The following GPR141 variants were observed in gnomAD, a reference collection of about 807,000 sequenced individuals.
GPR141 encodes the protein G protein-coupled receptor 141.
Under a neutral mutation model 6.8 loss-of-function variants are expected in GPR141, and 6 were observed. That is an observed-to-expected ratio of 0.88 (90% CI 0.48 to 1.74). GPR141 has a LOEUF of 1.74. GPR141 is among the 40% of genes most tolerant of loss of function. The pLI, the probability that GPR141 is intolerant of heterozygous loss-of-function variation, is 0.01. For missense variants in GPR141, 372 were observed against 372.9 expected (o/e 1.00, Z 0.02); for synonymous variants, 140 against 142.3 (o/e 0.98, Z 0.11).
At chr7:37,703,387 T>C (rs1364556119) in intron 2 of GPR141, among the ~76,000 whole-genome samples, 1 of 152,214 alleles carries the variant, frequency 6.6e-6, no homozygotes, top group Admixed American at 6.5e-5. Flanking sequence ...CTTTTGGCCT[T>C]ACTGAATCTG....
In GPR141 at chr7:37,741,890, A is replaced by T. The variant is rs900062218; in HGVS notation, c.*579A>T. Reference sequence around the variant, plus strand: ...TCATCTGTCTAGAAATCAAGAGAAAAAGAACGTGTGGCCTCCTGTTATAAC... The same window carrying T: ...TCATCTGTCTAGAAATCAAGAGAAATAGAACGTGTGGCCTCCTGTTATAAC... On this transcript the variant is annotated 3_prime_UTR_variant, in exon 3 of 3. Transcript: ENST00000334425. Among the ~76,000 whole-genome samples, 3 of 152,140 alleles carry T rather than the reference A, an allele frequency of 2.0e-5. No individual in the cohort carries two copies. Among genetic ancestry groups the T allele is most frequent in the African/African-American group, 7.2e-5 (3 of 41,420 alleles).
At chr7:37,699,562 A>T (rs577226875) in intron 2 of GPR141, among the ~76,000 whole-genome samples, 83 of 152,344 alleles carry the variant, frequency 5.4e-4, no homozygotes, top group Non-Finnish European at 1.1e-3. Flanking sequence ...CTCCGACTCA[A>T]AAAACAAAAC....
intron 2 of GPR141, among the ~76,000 whole-genome samples, chr7:37,733,701 GA>G (rs981250756): frequency 2.8e-5 from 4 of 144,522 alleles, no homozygotes; most frequent in South Asian, 2.2e-4. Flanking sequence ...AAAAAGAAAA[GA>G]AAAAAAAAGT....
intron 2 of GPR141, among the ~76,000 whole-genome samples, chr7:37,696,496 T>C (rs1005886733): frequency 6.6e-6 from 1 of 152,076 alleles, no homozygotes; most frequent in Non-Finnish European, 1.5e-5. Context: ...ATTCCCTTCT[T>C]TGGAATGTTA....
At position 37,741,896 on chromosome 7, in the gene GPR141, G is replaced by A. The variant is rs1812582859; in HGVS notation, c.*585G>A. Among the ~76,000 whole-genome samples, 2 of 152,260 alleles carry A rather than the reference G, an allele frequency of 1.3e-5. No individual in the cohort carries two copies. Among genetic ancestry groups the A allele is most frequent in the South Asian group, 4.1e-4 (2 of 4,828 alleles). On this transcript the variant is annotated 3_prime_UTR_variant, in exon 3 of 3. Transcript: ENST00000334425. ...GTCTAGAAATCAAGAGAAAAAGAACGTGTGGCCTCCTGTTATAACAAGGGT... is the reference window on the plus strand; with the variant it reads ...GTCTAGAAATCAAGAGAAAAAGAACATGTGGCCTCCTGTTATAACAAGGGT...
At chr7:37,693,207 A>C (rs2131735514) in intron 2 of GPR141, among the ~76,000 whole-genome samples, 1 of 152,300 alleles carries the variant, frequency 6.6e-6, no homozygotes, top group East Asian at 1.9e-4. Flanking sequence ...GTCCAGTTTC[A>C]GTTTTCTGCA....
chr7:37,727,654 G>A (rs146692167), intron 2 of GPR141, among the ~76,000 whole-genome samples: 1 of 152,256 alleles, frequency 6.6e-6, no homozygotes, highest in East Asian at 1.9e-4. Context: ...GAAGTTACCT[G>A]AAGCATGTAC....
Position 37,731,712 on chromosome 7 carries a change from G to A in GPR141, c.-14-8668G>A, listed in dbSNP as rs1483942753. Among the ~76,000 whole-genome samples, 5 of 152,120 alleles carry A rather than the reference G, an allele frequency of 3.3e-5. No homozygotes were observed. The South Asian group carries it at 8.3e-4, about 25-fold the overall frequency. On this transcript the variant is annotated intron_variant, in intron 2 of 2. Transcript: ENST00000334425. ...CGTGATCCGCCCGCCTCGGCCTCCC[G>A]AAGTGCGGGGATTACAGGCGCAAAG...
chr7:37,741,251 G>A lies in GPR141; in HGVS notation c.858G>A (p.Gly286=), dbSNP rs917482141. 1 of 1,610,866 alleles carries A rather than the reference G, an allele frequency of 6.2e-7. No individual in the cohort carries two copies. The highest frequency in any genetic ancestry group is 8.5e-7 in the Non-Finnish European group (1 of 1,177,620). Reference sequence around the variant, plus strand: ...ATGATTTGCTTCTCTTTGTCTTTGGGGGAAGCCATTGGTTTAAGCAAAAGA... The same window carrying A: ...ATGATTTGCTTCTCTTTGTCTTTGGAGGAAGCCATTGGTTTAAGCAAAAGA... The part of the protein sequence containing the change: ...SCYDLLLFVF[G]GSHWFKQKII... The change falls in exon 3 of 3, where the codon GGG becomes GGA. Residue 286 remains glycine (G), a synonymous_variant. Coordinates refer to ENST00000334425, the MANE Select transcript of GPR141 (RefSeq NM_001381946.1).
chr7:37,709,532 A>G (rs1019621905), intron 2 of GPR141, among the ~76,000 whole-genome samples: 19 of 152,236 alleles, frequency 1.2e-4, no homozygotes, highest in Admixed American at 4.6e-4. Context: ...ATCTTGCCAC[A>G]TATGGCCAAA....
intron 2 of GPR141, among the ~76,000 whole-genome samples, chr7:37,735,866 C>T (rs561331936): frequency 8.6e-4 from 130 of 152,000 alleles, no homozygotes; most frequent in East Asian, 1.9e-3. Context: ...TGTGTAAGAC[C>T]GACACAGCCT....
chr7:37,714,313 A>AAGGTGTG (rs1424962969), intron 2 of GPR141, among the ~76,000 whole-genome samples: 1 of 152,178 alleles, frequency 6.6e-6, no homozygotes, highest in African/African-American at 2.4e-5. Flanking sequence ...ATGGTAATCG[A>AAGGTGTG]AGGTGTGAGA....
At chr7:37,731,886 C>A (rs551143332) in intron 2 of GPR141, among the ~76,000 whole-genome samples, 1 of 152,050 alleles carries the variant, frequency 6.6e-6, no homozygotes, top group East Asian at 1.9e-4. Flanking sequence ...CTAGTTCTTG[C>A]TTTGCTTTTA....
chr7:37,695,643 A>G (rs1331649174), intron 2 of GPR141, among the ~76,000 whole-genome samples: 1 of 151,972 alleles, frequency 6.6e-6, no homozygotes, highest in Non-Finnish European at 1.5e-5. Flanking sequence ...GGTTTCTATT[A>G]CTTCTTTTAG....
At chr7:37,734,004 T>C (rs553087109) in intron 2 of GPR141, among the ~76,000 whole-genome samples, 9 of 151,790 alleles carry the variant, frequency 5.9e-5, no homozygotes, top group Non-Finnish European at 1.2e-4. Context: ...AAACCCTGTC[T>C]CCACAAAAAA....
chr7:37,710,959 C>T (rs1455638479), intron 2 of GPR141, among the ~76,000 whole-genome samples: 3 of 152,136 alleles, frequency 2.0e-5, no homozygotes, highest in African/African-American at 7.2e-5. Flanking sequence ...TACCATGTGA[C>T]CTGGCTTTCA....
At position 37,740,572 on chromosome 7, in the gene GPR141, T is replaced by G; in HGVS notation, c.179T>G (p.Val60Gly). The change falls in exon 3 of 3, where the codon GTG becomes GGG. Residue 60 changes from valine (V) to glycine (G), a missense_variant. Val to Gly is a moderately radical substitution (Grantham distance 109). Transcript: ENST00000334425. ...VTTMAVINLV[V>G]VHSVFLLTVP... ...ACCATGGCGGTCATTAACTTGGTGG[T>G]GGTCCACAGCGTTTTTCTGCTGACA... 1 of 1,614,110 alleles carries G rather than the reference T, an allele frequency of 6.2e-7. No individual in the cohort carries two copies. Among genetic ancestry groups the G allele is most frequent in the Admixed American group, 1.7e-5 (1 of 60,004 alleles).
chr7:37,701,248 G>T (rs1228570480), intron 2 of GPR141, among the ~76,000 whole-genome samples: 1 of 152,076 alleles, frequency 6.6e-6, no homozygotes, highest in Non-Finnish European at 1.5e-5. Flanking sequence ...GTACCTCATT[G>T]TACATTCATT....
chr7:37,716,645 G>A (rs891041578), intron 2 of GPR141, among the ~76,000 whole-genome samples: 1 of 152,166 alleles, frequency 6.6e-6, no homozygotes, highest in African/African-American at 2.4e-5. Flanking sequence ...GAAGTGTGTG[G>A]ACAAAAGTAT....
Sources: allele counts gnomAD v4.1 joint callset (sites outside exome capture counted in the v4.1 genomes callset), GRCh38; gene constraint gnomAD v4.1.1; transcripts MANE v1.5; gene names NCBI Gene and HGNC (gene_info 2026-07-23, HGNC 2026-07-21).